Variants in RBFOX1 observed in about 807,000 individuals in gnomAD.
RBFOX1 encodes the protein RNA binding protein fox-1 homolog 1.
RBFOX1 carries 8 observed loss-of-function variants against 57.7 expected under a neutral mutation model. The observed-to-expected ratio is 0.14, with a 90% CI of 0.08 to 0.25. RBFOX1 has a LOEUF of 0.25. Among genes scored for constraint, RBFOX1 ranks in the 10% least tolerant of loss-of-function variants. The probability of loss-of-function intolerance (pLI) is 1.00; values close to 1 mark genes in which losing one functional copy is unlikely to be tolerated. For synonymous variants in RBFOX1, 326 were observed against 222.4 expected, an observed-to-expected ratio of 1.47 and a Z score of -4.15; for missense variants, 611 against 548.5, an observed-to-expected ratio of 1.11 and a Z score of -1.14.
intron 3 of RBFOX1, among the ~76,000 whole-genome samples, chr16:6,768,832 G>A (rs1015649293): frequency 2.0e-5 from 3 of 151,392 alleles, no homozygotes; most frequent in South Asian, 2.1e-4. Flanking sequence ...GGTTTCAAGC[G>A]ATTCTTCTGC....
At chr16:7,579,700 C>G in intron 5 of RBFOX1, 77 bp from the exon 6 acceptor site, 2 of 1,553,670 alleles carry the variant, frequency 1.3e-6, no homozygotes, top group Non-Finnish European at 1.8e-6. Context: ...TCCTGCCACT[C>G]ATGGCAAGCA....
chr16:6,645,394 G>A (rs866531171), intron 2 of RBFOX1, among the ~76,000 whole-genome samples: 9 of 152,138 alleles, frequency 5.9e-5, no homozygotes, highest in Admixed American at 1.3e-4. Context: ...TTCGTTGTCC[G>A]GTGTTTCTCT....
At chr16:5,684,210 G>C (rs1406560455) in intron 3 of RBFOX1, among the ~76,000 whole-genome samples, 2 of 152,078 alleles carry the variant, frequency 1.3e-5, no homozygotes, top group African/African-American at 2.4e-5. Context: ...CGCCCTCTTC[G>C]AGGGCTGACA....
chr16:6,986,544 G>C (rs1395630180), intron 3 of RBFOX1, among the ~76,000 whole-genome samples: 2 of 152,222 alleles, frequency 1.3e-5, no homozygotes, highest in Non-Finnish European at 2.9e-5. Flanking sequence ...CACCTGCCTT[G>C]GCTTCCCAAA....
intron 3 of RBFOX1, among the ~76,000 whole-genome samples, chr16:6,770,100 G>C (rs975586887): frequency 1.3e-5 from 2 of 152,138 alleles, no homozygotes; most frequent in Non-Finnish European, 2.9e-5. Flanking sequence ...AGAAAGGAAA[G>C]AAAAACAAGG....
intron 1 of RBFOX1, among the ~76,000 whole-genome samples, chr16:6,065,670 A>T (rs1273815783): frequency 3.3e-5 from 5 of 152,176 alleles, no homozygotes; most frequent in African/African-American, 1.2e-4. Flanking sequence ...GATGTGATAT[A>T]ATGTGGTTAG....
rs1224716702 is a variant in RBFOX1, at chr16:5,512,582, T to A, written c.258+45328T>A. Among the ~76,000 whole-genome samples the A allele has an allele frequency of 2.0e-5, 3 of 152,176 alleles. No individual in the cohort carries two copies. In the East Asian group the frequency reaches 5.8e-4, roughly 29 times the overall value. ...CTGTGACCTAGGGCAATTTACTTAA[T>A]CTCTGGACCTTAGTTGTTGCTGTTG... On this transcript the variant is annotated intron_variant, in intron 2 of 2. Transcript: ENST00000585867.
intron 4 of RBFOX1, among the ~76,000 whole-genome samples, chr16:7,170,161 T>C (rs2080399898): frequency 1.3e-5 from 2 of 152,206 alleles, no homozygotes; most frequent in Admixed American, 1.3e-4. Flanking sequence ...GAACTTCAAA[T>C]TTCCAAAACC....
intron 3 of RBFOX1, among the ~76,000 whole-genome samples, chr16:5,681,558 T>A (rs144906993): frequency 4.0e-5 from 6 of 151,416 alleles, no homozygotes; most frequent in Non-Finnish European, 8.9e-5. Context: ...CCAGCTAATT[T>A]TTTTTTGCAT....
At chr16:6,767,914 CAATAATAATAATAATAATAAT>C (rs71408408) in intron 3 of RBFOX1, among the ~76,000 whole-genome samples, 4 of 118,024 alleles carry the variant, frequency 3.4e-5, no homozygotes, top group African/African-American at 9.6e-5. Context: ...GACTCTATCT[CAATAATAATAATAATAATAAT>C]AATAATAATA....
chr16:7,284,989 G>A (rs191651967), intron 4 of RBFOX1, among the ~76,000 whole-genome samples: 14 of 147,692 alleles, frequency 9.5e-5, no homozygotes, highest in East Asian at 4.0e-4. Context: ...TCATCCCTCC[G>A]TTGCCCAATG....
chr16:6,874,509 T>TAAAAAAAAAAA (rs57494867), intron 3 of RBFOX1, among the ~76,000 whole-genome samples: 1 of 71,084 alleles, frequency 1.4e-5, no homozygotes, highest in Non-Finnish European at 2.4e-5. Flanking sequence ...AGACTCCATC[T>TAAAAAAAAAAA]AAAAAAAAAA....
chr16:7,451,790 G>T (rs189316689), intron 4 of RBFOX1, among the ~76,000 whole-genome samples: 1 of 150,878 alleles, frequency 6.6e-6, no homozygotes, highest in Non-Finnish European at 1.5e-5. Flanking sequence ...GTCAGCTTCA[G>T]CTGAGACCAC....
chr16:5,622,293 G>A (rs2048222230), intron 3 of RBFOX1, among the ~76,000 whole-genome samples: 1 of 152,206 alleles, frequency 6.6e-6, no homozygotes, highest in Non-Finnish European at 1.5e-5. Flanking sequence ...TGTTTGTCAT[G>A]CTTCTCAAAA....
intron 3 of RBFOX1, among the ~76,000 whole-genome samples, chr16:6,834,049 C>T (rs939010224): frequency 8.2e-6 from 1 of 122,282 alleles, no homozygotes; most frequent in East Asian, 3.9e-4. Context: ...GTACCTGATC[C>T]AATAAATATT....
intron 1 of RBFOX1, among the ~76,000 whole-genome samples, chr16:5,321,893 T>G (rs2064419390): frequency 6.6e-6 from 1 of 152,150 alleles, no homozygotes; most frequent in African/African-American, 2.4e-5. Flanking sequence ...GACCCACACC[T>G]TGCTGCACGG....
In RBFOX1 at chr16:6,603,928, C is replaced by T. The variant is rs75493578; in HGVS notation, c.-63-50675C>T. Among the ~76,000 whole-genome samples the T allele has an allele frequency of 5.5e-3, 817 of 149,848 alleles. 4 individuals carry two copies. The highest frequency in any genetic ancestry group is 0.01 in the Non-Finnish European group (687 of 67,344). ...GTGTCTCAGCTCTGGGGCGAGGGGG[C>T]TGTTCAGTGAAGTTGGTTTGTGGCT... On this transcript the variant is annotated intron_variant, in intron 2 of 15. Coordinates refer to ENST00000550418, the MANE Select transcript of RBFOX1 (RefSeq NM_018723.4).
intron 1 of RBFOX1, among the ~76,000 whole-genome samples, chr16:5,394,229 G>A: frequency 6.6e-6 from 1 of 152,004 alleles, no homozygotes. Context: ...TCACCATGTT[G>A]GCCAGGCTGA....
chr16:6,150,188 T>A (rs1439625039), intron 1 of RBFOX1, among the ~76,000 whole-genome samples: 1 of 152,136 alleles, frequency 6.6e-6, no homozygotes, highest in Non-Finnish European at 1.5e-5. Context: ...AGGAAGCATA[T>A]CGTGAGACCA....
Sources: allele counts gnomAD v4.1 joint callset (sites outside exome capture counted in the v4.1 genomes callset), GRCh38; gene constraint gnomAD v4.1.1; transcripts MANE v1.5; gene names NCBI Gene and HGNC (gene_info 2026-07-23, HGNC 2026-07-21).